The following COP1 variants were observed in gnomAD, a reference collection of about 807,000 sequenced individuals.
COP1 encodes COP1 E3 ubiquitin ligase, also known as E3 ubiquitin-protein ligase COP1.
A neutral mutation model predicts 101.3 loss-of-function variants in COP1; 24 were observed. The observed-to-expected ratio is 0.24, with a 90% CI of 0.17 to 0.33. The LOEUF is 0.33. Among genes scored for constraint, COP1 ranks in the 10% least tolerant of loss-of-function variants. The pLI, the probability that COP1 is intolerant of heterozygous loss-of-function variation, is 1.00. For synonymous variants in COP1, 347 were observed against 341.9 expected (o/e 1.01, Z -0.17); for missense variants, 663 against 906.2 (o/e 0.73, Z 3.45).
chr1:176,191,988 AG>A (rs1572777763), intron 1 of COP1, among the ~76,000 whole-genome samples: 1 of 152,150 alleles, frequency 6.6e-6, no homozygotes, highest in Non-Finnish European at 1.5e-5. Flanking sequence ...TGCTAGCTTC[AG>A]GGTCAGAAGT....
intron 2 of COP1, among the ~76,000 whole-genome samples, chr1:176,176,821 A>G (rs115066674): frequency 0.4 from 60,073 of 151,960 alleles, 12,089 homozygotes; most frequent in Admixed American, 0.44. Context: ...AAAAGAGAAA[A>G]AAAAGACAAA....
At chr1:176,023,735 A>AAAAAAG (rs1553225858) in intron 15 of COP1, among the ~76,000 whole-genome samples, 4 of 107,430 alleles carry the variant, frequency 3.7e-5, no homozygotes, top group Admixed American at 1.1e-4. Flanking sequence ...AAAAAAAAAA[A>AAAAAAG]AAAAGAAAAG....
At chr1:176,027,899 T>TAA (rs10712525) in intron 14 of COP1, among the ~76,000 whole-genome samples, 2 of 146,404 alleles carry the variant, frequency 1.4e-5, no homozygotes, top group Non-Finnish European at 3.0e-5. Flanking sequence ...GGTAATTTAT[T>TAA]AAAAAAAAAA....
chr1:176,157,585 C>A (rs946807360), intron 5 of COP1, among the ~76,000 whole-genome samples: 1 of 152,158 alleles, frequency 6.6e-6, no homozygotes, highest in African/African-American at 2.4e-5. Flanking sequence ...GCAAAACTAG[C>A]AGAGACAAAA....
intron 1 of COP1, among the ~76,000 whole-genome samples, chr1:176,196,461 G>A (rs934610511): frequency 6.6e-6 from 1 of 152,000 alleles, no homozygotes; most frequent in South Asian, 2.1e-4. Context: ...AAAGAATAAG[G>A]GGTATATTAT....
intron 7 of COP1, 119 bp from the exon 8 acceptor site, chr1:176,135,205 A>G (rs1412671754): frequency 1.2e-5 from 7 of 593,656 alleles, no homozygotes; most frequent in Non-Finnish European, 1.7e-5. Context: ...GTTTGTCTCA[A>G]TATCAAATTT....
intron 15 of COP1, among the ~76,000 whole-genome samples, chr1:176,021,908 G>GAGA (rs1294483909): frequency 2.0e-5 from 3 of 152,208 alleles, no homozygotes; most frequent in Non-Finnish European, 2.9e-5. Context: ...CTAGCTGACA[G>GAGA]ATTCCATCTT....
intron 11 of COP1, among the ~76,000 whole-genome samples, chr1:176,055,552 A>G (rs568803549): frequency 1.5e-4 from 23 of 152,300 alleles, no homozygotes; most frequent in African/African-American, 5.1e-4. Context: ...ATGACTTTCA[A>G]TCTATATAGT....
At chr1:176,160,837 T>C (rs1032196320) in intron 5 of COP1, among the ~76,000 whole-genome samples, 1 of 152,202 alleles carries the variant, frequency 6.6e-6, no homozygotes, top group African/African-American at 2.4e-5. Context: ...GTGCCTGTTA[T>C]GAAGCAGTCC....
In COP1 at chr1:176,136,802, A is replaced by G. The variant is rs74316015; in HGVS notation, c.832-255T>C. Among the ~76,000 whole-genome samples, 412 of 152,322 alleles carry G rather than the reference A, an allele frequency of 2.7e-3. 1 individual carries two copies. The highest frequency in any genetic ancestry group is 9.5e-3 in the African/African-American group (393 of 41,586). The stretch of plus-strand genomic sequence containing the variant: ...AATACAACAGTTTGATTTTACAATA[A>G]AAGTATGAGATGAATGACAGTGGCT... On this transcript the variant is annotated intron_variant, in intron 6 of 19. Transcript: ENST00000367669.
At chr1:176,202,321 C>A (rs1349591591) in intron 1 of COP1, among the ~76,000 whole-genome samples, 1 of 151,346 alleles carries the variant, frequency 6.6e-6, no homozygotes, top group African/African-American at 2.4e-5. Flanking sequence ...TCTTGAGTAG[C>A]TGGGACTACA....
intron 15 of COP1, among the ~76,000 whole-genome samples, chr1:176,011,517 A>G (rs1020618633): frequency 1.3e-4 from 20 of 152,176 alleles, no homozygotes; most frequent in African/African-American, 4.6e-4. Flanking sequence ...CTTTTTTCTC[A>G]TTAATGTACT....
intron 11 of COP1, among the ~76,000 whole-genome samples, chr1:176,057,592 C>A (rs1472261362): frequency 2.0e-5 from 3 of 152,208 alleles, no homozygotes; most frequent in Non-Finnish European, 2.9e-5. Flanking sequence ...CAGCCTCGGC[C>A]TCCCGAGGTG....
intron 9 of COP1, among the ~76,000 whole-genome samples, chr1:176,101,336 T>C (rs1274417462): frequency 6.6e-6 from 1 of 152,172 alleles, no homozygotes; most frequent in Non-Finnish European, 1.5e-5. Flanking sequence ...CCTCTCTTTC[T>C]AGATAAGCAG....
chr1:176,192,415 C>T (rs1699206430), intron 1 of COP1, among the ~76,000 whole-genome samples: 1 of 152,130 alleles, frequency 6.6e-6, no homozygotes, highest in Admixed American at 6.6e-5. Flanking sequence ...ACTAGTGCTC[C>T]ACCATTAATG....
intron 18 of COP1, among the ~76,000 whole-genome samples, chr1:175,967,306 C>T (rs894159905): frequency 3.3e-5 from 5 of 152,072 alleles, no homozygotes; most frequent in Non-Finnish European, 7.4e-5. Flanking sequence ...GCCACCGCGC[C>T]GTTGAAAGCT....
chr1:176,111,572 C>T (rs555544415), intron 9 of COP1, among the ~76,000 whole-genome samples: 3 of 152,262 alleles, frequency 2.0e-5, no homozygotes, highest in Middle Eastern at 3.4e-3. Context: ...GGATTACAGG[C>T]GTGAGCCACC....
chr1:176,206,958 G>A lies in COP1; in HGVS notation c.21C>T (p.Ala7=). MSGSRQ[A]GSGSAGTSPG... is the part of the protein sequence containing the mutation. ...GGCTTGTCCCAGCGGAGCCCGACCCGGCCTGGCGGCTACCAGACATCGTGA... is the reference window on the plus strand; with the variant it reads ...GGCTTGTCCCAGCGGAGCCCGACCCAGCCTGGCGGCTACCAGACATCGTGA... The change falls in exon 1 of 20, where the codon GCC becomes GCT. Residue 7 remains alanine (A), a synonymous_variant. Transcript: ENST00000367669. 2 of 1,427,954 alleles carry A rather than the reference G, an allele frequency of 1.4e-6. No individual in the cohort carries two copies. Among genetic ancestry groups the A allele is most frequent in the Non-Finnish European group, 1.8e-6 (2 of 1,095,290 alleles). The allele number at this position is 1,427,954 out of a possible 1,614,324, so 88.5% of individuals were successfully genotyped here.
intron 15 of COP1, among the ~76,000 whole-genome samples, chr1:175,996,538 A>G (rs1438851773): frequency 6.6e-6 from 1 of 152,084 alleles, no homozygotes; most frequent in Non-Finnish European, 1.5e-5. Flanking sequence ...CTGATAAGCA[A>G]CTTCAGCAAA....
Sources: allele counts gnomAD v4.1 joint callset (sites outside exome capture counted in the v4.1 genomes callset), GRCh38; gene constraint gnomAD v4.1.1; transcripts MANE v1.5; gene names NCBI Gene and HGNC (gene_info 2026-07-23, HGNC 2026-07-21).